Variants in AGBL1 observed in about 807,000 individuals in gnomAD.
AGBL1 encodes AGBL carboxypeptidase 1.
A neutral mutation model predicts 118.9 loss-of-function variants in AGBL1; 130 were observed. That is an observed-to-expected ratio of 1.09 (90% CI 0.95 to 1.26). AGBL1 has a LOEUF of 1.26. Ranked by LOEUF, AGBL1 falls within the 50% of genes most tolerant of loss-of-function variation. AGBL1 has a pLI of 0.00. For synonymous variants in AGBL1, 555 were observed against 478.9 expected (o/e 1.16, Z -2.08); for missense variants, 1,584 against 1,298.1 (o/e 1.22, Z -3.38).
chr15:86,605,491 T>A (rs533263471), intron 21 of AGBL1, among the ~76,000 whole-genome samples: 1 of 152,200 alleles, frequency 6.6e-6, no homozygotes, highest in African/African-American at 2.4e-5. Context: ...AACTTCTACA[T>A]TGAGGGAAAT....
At chr15:87,001,245 G>C (rs971547462) in intron 24 of AGBL1, among the ~76,000 whole-genome samples, 4 of 151,086 alleles carry the variant, frequency 2.6e-5, no homozygotes, top group Admixed American at 2.0e-4. Flanking sequence ...CATTGCCCTG[G>C]CCAGAACTTC....
chr15:86,707,867 G>T (rs2086480563), intron 22 of AGBL1, among the ~76,000 whole-genome samples: 1 of 151,972 alleles, frequency 6.6e-6, no homozygotes, highest in East Asian at 1.9e-4. Flanking sequence ...TCTTTAAAGG[G>T]GCCATACTTG....
chr15:86,905,981 G>T (rs1324252963), intron 22 of AGBL1, among the ~76,000 whole-genome samples: 3 of 152,170 alleles, frequency 2.0e-5, no homozygotes, highest in Non-Finnish European at 4.4e-5. Flanking sequence ...TTAGGGTACC[G>T]CAGCCTGGAG....
chr15:86,188,763 A>G (rs188091169), intron 5 of AGBL1, among the ~76,000 whole-genome samples: 93 of 152,334 alleles, frequency 6.1e-4, no homozygotes, highest in Non-Finnish European at 1.2e-3. Context: ...ACATCTTGAT[A>G]TACTGTTGCT....
At chr15:87,020,619 C>T (rs2081655162) in intron 24 of AGBL1, among the ~76,000 whole-genome samples, 1 of 152,056 alleles carries the variant, frequency 6.6e-6, no homozygotes, top group Non-Finnish European at 1.5e-5. Context: ...CACCCAAAAG[C>T]TTCTTAAGCT....
At chr15:86,296,547 A>G (rs2079645966) in intron 17 of AGBL1, 1 of 152,208 alleles carries the variant, frequency 6.6e-6, no homozygotes, top group African/African-American at 2.4e-5. Flanking sequence ...TCCCTGATGA[A>G]GTGCTAGCCT....
At chr15:86,923,449 G>A (rs751646247) in intron 23 of AGBL1, among the ~76,000 whole-genome samples, 12 of 152,094 alleles carry the variant, frequency 7.9e-5, no homozygotes, top group African/African-American at 2.7e-4. Context: ...TTTTCCTGCT[G>A]TTCCTCCCTC....
intron 22 of AGBL1, among the ~76,000 whole-genome samples, chr15:86,868,210 A>C (rs1180860966): frequency 6.6e-6 from 1 of 152,218 alleles, no homozygotes; most frequent in Non-Finnish European, 1.5e-5. Flanking sequence ...GCAAAGGAAC[A>C]GCCATGGACG....
intron 1 of AGBL1, among the ~76,000 whole-genome samples, chr15:86,120,196 G>A (rs962503419): frequency 6.6e-6 from 1 of 152,154 alleles, no homozygotes; most frequent in African/African-American, 2.4e-5. Context: ...ACTTGGGGCT[G>A]TAAGATATGT....
At chr15:86,642,741 A>G (rs2085213377) in intron 21 of AGBL1, among the ~76,000 whole-genome samples, 1 of 152,044 alleles carries the variant, frequency 6.6e-6, no homozygotes, top group African/African-American at 2.4e-5. Context: ...TTTATTTAAG[A>G]TTTCACATCT....
chr15:86,253,318 T>C (rs2078846045), intron 7 of AGBL1, among the ~76,000 whole-genome samples: 1 of 152,204 alleles, frequency 6.6e-6, no homozygotes, highest in East Asian at 1.9e-4. Context: ...TAGTGTGATC[T>C]TGGCTCACTG....
intron 22 of AGBL1, among the ~76,000 whole-genome samples, chr15:86,773,816 GA>G (rs1462231552): frequency 1.3e-5 from 2 of 151,868 alleles, no homozygotes; most frequent in African/African-American, 4.8e-5. Flanking sequence ...GGTGTGTATG[GA>G]AAAGAATCTC....
intron 18 of AGBL1, among the ~76,000 whole-genome samples, chr15:86,407,190 A>T (rs1047232975): frequency 2.0e-5 from 3 of 152,200 alleles, no homozygotes; most frequent in African/African-American, 7.2e-5. Context: ...TAATTATTAC[A>T]ACTACCTGAA....
chr15:86,552,032 A>G (rs1464360866), intron 20 of AGBL1, among the ~76,000 whole-genome samples: 1 of 152,208 alleles, frequency 6.6e-6, no homozygotes, highest in African/African-American at 2.4e-5. Flanking sequence ...CAGTAAAACT[A>G]CTTTGGATAA....
chr15:86,636,745 A>G (rs1163457318), intron 21 of AGBL1, among the ~76,000 whole-genome samples: 2 of 64,856 alleles, frequency 3.1e-5, no homozygotes, highest in African/African-American at 8.4e-5. Flanking sequence ...ATATATATAT[A>G]TATATATATA....
At chr15:86,234,550 CAAAAAAAAAAAA>C (rs397854519) in intron 6 of AGBL1, among the ~76,000 whole-genome samples, 3 of 76,302 alleles carry the variant, frequency 3.9e-5, no homozygotes, top group South Asian at 5.0e-4. Context: ...GACTCTATCT[CAAAAAAAAAAAA>C]AAAAAAAAAA....
intron 21 of AGBL1, among the ~76,000 whole-genome samples, chr15:86,638,826 G>A (rs1188136467): frequency 1.3e-5 from 2 of 152,174 alleles, no homozygotes; most frequent in Non-Finnish European, 1.5e-5. Flanking sequence ...CTGTGGGTCT[G>A]AGTCTGAGTG....
At chr15:86,921,709 C>A (rs551677518) in intron 23 of AGBL1, among the ~76,000 whole-genome samples, 2 of 152,310 alleles carry the variant, frequency 1.3e-5, no homozygotes, top group South Asian at 4.1e-4. Flanking sequence ...GAAGGCAGCA[C>A]AGCATGCATG....
intron 13 of AGBL1, 107 bp from the exon 14 acceptor site, chr15:86,269,812 G>T: frequency 7.9e-7 from 1 of 1,265,632 alleles, no homozygotes; most frequent in Non-Finnish European, 1.1e-6. Flanking sequence ...CTGAGATCCT[G>T]GGTCTTAGAT....
Sources: gnomAD v4.1 joint callset for allele counts (sites outside exome capture counted in the v4.1 genomes callset) on GRCh38, gnomAD v4.1.1 for gene constraint, MANE v1.5 for transcripts, NCBI Gene and HGNC (gene_info 2026-07-23, HGNC 2026-07-21) for gene names.